STK32B: variants seen among roughly 807,000 people sequenced by gnomAD.
STK32B encodes serine/threonine kinase 32B, also known as serine/threonine-protein kinase 32B.
Under a neutral mutation model 52.6 loss-of-function variants are expected in STK32B, and 43 were observed. The observed-to-expected ratio is 0.82, with a 90% CI of 0.64 to 1.05. The LOEUF (loss-of-function observed/expected upper bound fraction) is 1.05. STK32B is among the 50% of genes least tolerant of loss of function. The probability of loss-of-function intolerance (pLI) is 0.00; values close to 1 mark genes in which losing one functional copy is unlikely to be tolerated. For missense variants in STK32B, 621 were observed against 534.6 expected, an observed-to-expected ratio of 1.16 and a Z score of -1.59; for synonymous variants, 238 against 204.3, an observed-to-expected ratio of 1.17 and a Z score of -1.41.
rs148105878 is a variant in STK32B, at chr4:5,489,879, G to T, written c.1107-9066G>T. ...AAGAGATTTCTGGCTGGCTACATCA[G>T]ATTTTATTATGTAAACAGAAGATAC... is the stretch of plus-strand genomic sequence containing the variant. On this transcript the variant is annotated intron_variant, in intron 11 of 11. Coordinates refer to ENST00000282908, the MANE Select transcript of STK32B (RefSeq NM_018401.3). Among the ~76,000 whole-genome samples, 516 of 152,138 alleles carry T rather than the reference G, an allele frequency of 3.4e-3. 4 individuals carry two copies. Among genetic ancestry groups the T allele is most frequent in the Non-Finnish European group, 5.7e-3 (388 of 68,008 alleles).
intron 4 of STK32B, among the ~76,000 whole-genome samples, chr4:5,369,550 T>G (rs1304003629): frequency 6.6e-6 from 1 of 152,136 alleles, no homozygotes; most frequent in Non-Finnish European, 1.5e-5. Context: ...TGTGGGACTC[T>G]TTAGCCCCTC....
chr4:5,092,399 G>A (rs1026000557), intron 1 of STK32B, among the ~76,000 whole-genome samples: 1 of 152,120 alleles, frequency 6.6e-6, no homozygotes, highest in African/African-American at 2.4e-5. Flanking sequence ...CAGCGTTGTG[G>A]TGGGCACCTG....
chr4:5,146,089 G>C (rs1165202066), intron 2 of STK32B, among the ~76,000 whole-genome samples: 1 of 145,214 alleles, frequency 6.9e-6, no homozygotes, highest in Non-Finnish European at 1.5e-5. Flanking sequence ...TCAGTTTCTT[G>C]AAAATGATTT....
At chr4:5,114,386 A>G (rs1714597539) in intron 1 of STK32B, among the ~76,000 whole-genome samples, 1 of 151,948 alleles carries the variant, frequency 6.6e-6, no homozygotes, top group Non-Finnish European at 1.5e-5. Flanking sequence ...ATCTTCTTAT[A>G]GCACCCCTTC....
intron 2 of STK32B, among the ~76,000 whole-genome samples, chr4:5,165,112 A>C (rs957946259): frequency 3.9e-5 from 6 of 152,140 alleles, no homozygotes; most frequent in African/African-American, 7.2e-5. Flanking sequence ...CTTAGATAGC[A>C]TGAGGTCTTA....
intron 3 of STK32B, among the ~76,000 whole-genome samples, chr4:5,204,436 G>GTT (rs1722404732): frequency 5.0e-5 from 5 of 99,692 alleles, no homozygotes; most frequent in African/African-American, 1.0e-4. Context: ...GGTTTTTTTT[G>GTT]TTTGTTTTTG....
intron 7 of STK32B, among the ~76,000 whole-genome samples, chr4:5,450,804 C>T (rs906823356): frequency 3.3e-5 from 5 of 152,196 alleles, no homozygotes; most frequent in Non-Finnish European, 5.9e-5. Context: ...CCTATTACTT[C>T]TACCCTGGGA....
intron 4 of STK32B, among the ~76,000 whole-genome samples, chr4:5,338,771 G>T (rs914523153): frequency 3.9e-5 from 6 of 152,158 alleles, no homozygotes; most frequent in African/African-American, 1.4e-4. Flanking sequence ...TTAGATTCCA[G>T]ATCTACCCTG....
chr4:5,166,028 G>A (rs1718844603), intron 2 of STK32B, among the ~76,000 whole-genome samples: 1 of 152,164 alleles, frequency 6.6e-6, no homozygotes, highest in South Asian at 2.1e-4. Context: ...GCCAAGAGAG[G>A]CACAAAGAAC....
rs1441026569 is a variant in STK32B, at chr4:5,317,291, A to ATG, written c.261-13928_261-13927insGT. The stretch of plus-strand genomic sequence containing the variant: ...ATATAATATATAACATATAACATAT[A>ATG]TATAATATATAATATATAACATATG... On this transcript the variant is annotated intron_variant, in intron 3 of 11. Transcript: ENST00000282908. Among the ~76,000 whole-genome samples the ATG allele has an allele frequency of 1.3e-3, 56 of 44,350 alleles. 1 individual carries two copies. The highest frequency in any genetic ancestry group is 6.6e-3 in the African/African-American group (28 of 4,268). 29.1% of individuals were successfully genotyped at this position (44,350 alleles called of 152,430 possible).
intron 3 of STK32B, among the ~76,000 whole-genome samples, chr4:5,276,602 ATTCT>A (rs1256992929): frequency 1.1e-4 from 16 of 152,002 alleles, no homozygotes; most frequent in African/African-American, 3.6e-4. Flanking sequence ...ACACAAGCAG[ATTCT>A]TTTTTTTTTA....
intron 6 of STK32B, among the ~76,000 whole-genome samples, chr4:5,426,459 C>T (rs190622661): frequency 2.6e-4 from 40 of 152,014 alleles, no homozygotes; most frequent in African/African-American, 9.2e-4. Context: ...AATCTCAGCA[C>T]TTAGGGAGGC....
chr4:5,462,933 C>T (rs6856361), intron 9 of STK32B, among the ~76,000 whole-genome samples: 4,002 of 152,276 alleles, frequency 0.026, 179 homozygotes, highest in African/African-American at 0.091. Context: ...AACCACAGGG[C>T]AGGGCCCTCG....
chr4:5,033,800 G>T, the STK32B span, among the ~76,000 whole-genome samples: 5 of 152,176 alleles, frequency 3.3e-5, no homozygotes, highest in Non-Finnish European at 7.3e-5. Context: ...AAGATGTGGC[G>T]AAGTCACACA....
At chr4:5,464,974 A>G (rs1717325230) in intron 9 of STK32B, among the ~76,000 whole-genome samples, 1 of 152,148 alleles carries the variant, frequency 6.6e-6, no homozygotes, top group Non-Finnish European at 1.5e-5. Context: ...GATGTGTGAA[A>G]TCAGGGAAGG....
At chr4:5,449,108 G>A (rs1715740286) in intron 7 of STK32B, among the ~76,000 whole-genome samples, 1 of 152,178 alleles carries the variant, frequency 6.6e-6, no homozygotes, top group Admixed American at 6.5e-5. Flanking sequence ...TTGGGAGGCC[G>A]AGGAGGGCGG....
intron 1 of STK32B, among the ~76,000 whole-genome samples, chr4:5,109,406 A>G (rs116024150): frequency 0.013 from 1,925 of 152,356 alleles, 42 homozygotes; most frequent in African/African-American, 0.044. Flanking sequence ...TAACAAATGA[A>G]TACATAAAAA....
At chr4:5,150,530 C>T (rs770754368) in intron 2 of STK32B, among the ~76,000 whole-genome samples, 8 of 152,134 alleles carry the variant, frequency 5.3e-5, no homozygotes, top group South Asian at 2.1e-4. Flanking sequence ...GTTGGACTTA[C>T]ATTGCATATT....
chr4:5,127,093 C>A (rs910314475), intron 1 of STK32B: 1 of 511,664 alleles, frequency 2.0e-6, no homozygotes, highest in Non-Finnish European at 3.9e-6. Flanking sequence ...TATTCATGAG[C>A]CGTGAAGGGA....
Sources: gnomAD v4.1 joint callset for allele counts (sites outside exome capture counted in the v4.1 genomes callset) on GRCh38, gnomAD v4.1.1 for gene constraint, MANE v1.5 for transcripts, NCBI Gene and HGNC (gene_info 2026-07-23, HGNC 2026-07-21) for gene names.